RBPMS: variants seen among roughly 807,000 people sequenced by gnomAD.
The protein encoded by RBPMS is RNA binding protein, mRNA processing factor, also known as RNA-binding protein with multiple splicing.
RBPMS carries 7 observed loss-of-function variants against 26.8 expected under a neutral mutation model. The observed-to-expected ratio is 0.26, with a 90% CI of 0.15 to 0.49. RBPMS has a LOEUF of 0.49. Among genes scored for constraint, RBPMS ranks in the 20% least tolerant of loss-of-function variants. RBPMS has a pLI of 0.98. For synonymous variants in RBPMS, 96 were observed against 93.3 expected (o/e 1.03, Z -0.17); for missense variants, 186 against 250.0 (o/e 0.74, Z 1.73).
chr8:30,558,850 G>T, intron 6 of RBPMS, 37 bp from the exon 7 acceptor site: 1 of 1,573,388 alleles, frequency 6.4e-7, no homozygotes, highest in Non-Finnish European at 8.7e-7. Context: ...ATATGCTGGG[G>T]AGCCCTGGCT....
At chr8:30,391,545 G>T (rs980842355) in intron 1 of RBPMS, among the ~76,000 whole-genome samples, 1 of 152,192 alleles carries the variant, frequency 6.6e-6, no homozygotes, top group African/African-American at 2.4e-5. Context: ...GTGGGCTTGA[G>T]GCCATCTGGG....
chr8:30,451,268 A>C (rs1487255012), intron 1 of RBPMS, among the ~76,000 whole-genome samples: 1 of 152,178 alleles, frequency 6.6e-6, no homozygotes. Flanking sequence ...CCAAGCTAAA[A>C]TCGTTGAATC....
At chr8:30,473,211 G>T (rs1195872810) in intron 1 of RBPMS, among the ~76,000 whole-genome samples, 1 of 152,104 alleles carries the variant, frequency 6.6e-6, no homozygotes, top group Non-Finnish European at 1.5e-5. Context: ...CCTTCCCCAA[G>T]AATGTTTTCT....
chr8:30,527,558 T>C (rs543645507), intron 5 of RBPMS, among the ~76,000 whole-genome samples: 8 of 152,292 alleles, frequency 5.3e-5, no homozygotes, highest in Non-Finnish European at 1.0e-4. Context: ...GTTGGTTACA[T>C]ACACAGCCCA....
At position 30,479,580 on chromosome 8, in the gene RBPMS, T is replaced by C. The variant is rs117989908; in HGVS notation, c.246+203T>C. On this transcript the variant is annotated intron_variant, in intron 4 of 8. Transcript: ENST00000397323. ...AGATTATTAAATAGCACTCTGCTTT[T>C]TGATTGCTCTGAATGAAATGCTCAA... Among the ~76,000 whole-genome samples the C allele has an allele frequency of 5.1e-3, 784 of 152,348 alleles. 2 individuals carry two copies. Among genetic ancestry groups the C allele is most frequent in the Non-Finnish European group, 7.5e-3 (507 of 68,032 alleles).
chr8:30,492,805 G>A (rs1041850323), intron 4 of RBPMS, among the ~76,000 whole-genome samples: 2 of 152,102 alleles, frequency 1.3e-5, no homozygotes, highest in Admixed American at 1.3e-4. Context: ...TTAAGAATAA[G>A]GTTGTGATTT....
intron 1 of RBPMS, among the ~76,000 whole-genome samples, chr8:30,456,586 T>C (rs1255494093): frequency 6.6e-6 from 1 of 152,178 alleles, no homozygotes; most frequent in East Asian, 1.9e-4. Flanking sequence ...TTTATTATAT[T>C]TAGAATATTT....
rs533551680 is a variant in RBPMS, at chr8:30,538,209, G to T, written c.398-6285G>T. Among the ~76,000 whole-genome samples, 8 of 152,244 alleles carry T rather than the reference G, an allele frequency of 5.3e-5. No homozygotes were observed. The South Asian group carries it at 1.7e-3, about 32-fold the overall frequency. On this transcript the variant is annotated intron_variant, in intron 5 of 8. Coordinates refer to ENST00000397323, the MANE Select transcript of RBPMS (RefSeq NM_001008710.3). Reference sequence around the variant, plus strand: ...TGTACAGAACACAAAAACCGCCATGGTAATTAGTGCTGGGTGGTGGAAAAC... The same window carrying T: ...TGTACAGAACACAAAAACCGCCATGTTAATTAGTGCTGGGTGGTGGAAAAC...
rs531403861 is a variant in RBPMS, at chr8:30,478,214, C to CA, written c.183+380dup. Among the ~76,000 whole-genome samples, 3 of 152,294 alleles carry CA rather than the reference C, an allele frequency of 2.0e-5. No individual in the cohort carries two copies. In the South Asian group the frequency reaches 6.2e-4, roughly 32 times the overall value. Reference sequence around the variant, plus strand: ...GATCGTGAAGGATCATGCTGTCTGTCAAACCCCTAAATTAAGGCAGAGTCC... The same window carrying CA: ...GATCGTGAAGGATCATGCTGTCTGTCAAAACCCCTAAATTAAGGCAGAGTCC... On this transcript the variant is annotated intron_variant, in intron 3 of 8. Transcript: ENST00000397323.
intron 1 of RBPMS, among the ~76,000 whole-genome samples, chr8:30,386,901 T>A (rs1807170696): frequency 6.6e-6 from 1 of 152,100 alleles, no homozygotes; most frequent in Non-Finnish European, 1.5e-5. Context: ...TTCAATGTCC[T>A]AAAAATCATA....
chr8:30,474,705 T>A lies in RBPMS; in HGVS notation c.67-74T>A, dbSNP rs1292483840. Reference sequence around the variant, plus strand: ...TGTGGAATATTTGGAATAATATGTTTCTGAGATATCAGGTGAGAGTTAACT... The same window carrying A: ...TGTGGAATATTTGGAATAATATGTTACTGAGATATCAGGTGAGAGTTAACT... On this transcript the variant is annotated intron_variant, in intron 1 of 8. Coordinates refer to ENST00000397323, the MANE Select transcript of RBPMS (RefSeq NM_001008710.3). The A allele has an allele frequency of 7.3e-6, 6 of 816,820 alleles. 1 individual carries two copies. In the South Asian group the frequency reaches 9.0e-5, roughly 12 times the overall value. 50.6% of individuals were successfully genotyped at this position (816,820 alleles called of 1,614,324 possible).
chr8:30,506,956 G>A (rs371727081), intron 5 of RBPMS, among the ~76,000 whole-genome samples: 15 of 152,186 alleles, frequency 9.9e-5, no homozygotes, highest in African/African-American at 2.2e-4. Flanking sequence ...AAGAGCTGTC[G>A]TTCCGGGGAG....
At chr8:30,392,952 C>T (rs1807959186) in intron 1 of RBPMS, among the ~76,000 whole-genome samples, 1 of 152,110 alleles carries the variant, frequency 6.6e-6, no homozygotes. Flanking sequence ...AGCGTGCATA[C>T]TGGGAGTGAG....
chr8:30,447,919 T>C (rs888465028), intron 1 of RBPMS, among the ~76,000 whole-genome samples: 1 of 152,248 alleles, frequency 6.6e-6, no homozygotes, highest in African/African-American at 2.4e-5. Flanking sequence ...TTTTGCTAGA[T>C]GATGGATTAT....
At chr8:30,437,015 T>C (rs1299318879) in intron 1 of RBPMS, among the ~76,000 whole-genome samples, 4 of 150,698 alleles carry the variant, frequency 2.7e-5, no homozygotes, top group Non-Finnish European at 5.9e-5. Flanking sequence ...CTCTGCCTCC[T>C]GGGTTCACGC....
chr8:30,549,772 T>TTTTCTTCTCTCTCTCTCTCTC (rs1182285469), intron 6 of RBPMS, among the ~76,000 whole-genome samples: 2 of 71,224 alleles, frequency 2.8e-5, no homozygotes, highest in African/African-American at 1.5e-4. Context: ...TTTTCTTTTC[T>TTTTCTTCTCTCTCTCTCTCTC]TCTCTCTCTC....
At chr8:30,510,775 C>T (rs982740462) in intron 5 of RBPMS, among the ~76,000 whole-genome samples, 5 of 152,172 alleles carry the variant, frequency 3.3e-5, no homozygotes, top group South Asian at 2.1e-4. Context: ...GATGGGGTTT[C>T]GCCACATTGG....
chr8:30,432,387 C>T (rs1419288349), intron 1 of RBPMS, among the ~76,000 whole-genome samples: 1 of 152,156 alleles, frequency 6.6e-6, no homozygotes, highest in Non-Finnish European at 1.5e-5. Flanking sequence ...AAATCTTCAC[C>T]AGGTCCTCTT....
At chr8:30,454,845 C>CA (rs770527233) in intron 1 of RBPMS, among the ~76,000 whole-genome samples, 1 of 152,114 alleles carries the variant, frequency 6.6e-6, no homozygotes, top group Non-Finnish European at 1.5e-5. Context: ...TTTTTTGAGA[C>CA]AGAGTCTTAC....
Sources: allele counts gnomAD v4.1 joint callset (sites outside exome capture counted in the v4.1 genomes callset), GRCh38; gene constraint gnomAD v4.1.1; transcripts MANE v1.5; gene names NCBI Gene and HGNC (gene_info 2026-07-23, HGNC 2026-07-21).